CPA3: variants seen among roughly 807,000 people sequenced by gnomAD.
CPA3 encodes mast cell carboxypeptidase A.
Under a neutral mutation model 55.8 loss-of-function variants are expected in CPA3, and 52 were observed. The ratio of observed to expected loss-of-function variants is 0.93; its 90% CI spans 0.75 to 1.17. The LOEUF is 1.17. Among genes scored for constraint, CPA3 ranks in the 50% most tolerant of loss-of-function variants. The pLI is 0.00. For missense variants in CPA3, 547 were observed against 509.1 expected (o/e 1.07, Z -0.72); for synonymous variants, 179 against 171.2 (o/e 1.05, Z -0.36).
intron 9 of CPA3, 94 bp from the exon 10 acceptor site, chr3:148,885,999 A>G (rs1576584100): frequency 2.4e-6 from 2 of 820,882 alleles, no homozygotes; most frequent in East Asian, 2.7e-5. Context: ...AACCTGTAAG[A>G]CTCCATTAAA....
chr3:148,877,730 A>G (rs1322599033), intron 3 of CPA3, among the ~76,000 whole-genome samples: 2 of 152,224 alleles, frequency 1.3e-5, no homozygotes, highest in Admixed American at 6.5e-5. Flanking sequence ...GATTAAATGA[A>G]TTAATAATGT....
chr3:148,891,513 TAC>T (rs778053709), intron 10 of CPA3, among the ~76,000 whole-genome samples: 48 of 120,146 alleles, frequency 4.0e-4, no homozygotes, highest in Admixed American at 5.9e-4. Flanking sequence ...CACACACACA[TAC>T]ACACACACAC....
At chr3:148,869,496 AATTGGTATGTC>A (rs1443562452) in intron 3 of CPA3, among the ~76,000 whole-genome samples, 2 of 152,172 alleles carry the variant, frequency 1.3e-5, no homozygotes, top group African/African-American at 2.4e-5. Context: ...GAAATACAGC[AATTGGTATGTC>A]ATTGGTATGT....
At chr3:148,880,321 T>C (rs1215706851) in intron 6 of CPA3, among the ~76,000 whole-genome samples, 1 of 147,458 alleles carries the variant, frequency 6.8e-6, no homozygotes, top group Non-Finnish European at 1.5e-5. Context: ...GAGTGAAAAA[T>C]AACTCACTTT....
At chr3:148,886,282 C>A in intron 10 of CPA3, 105 bp downstream of exon 10, 1 of 719,100 alleles carries the variant, frequency 1.4e-6, no homozygotes, top group Non-Finnish European at 2.3e-6. Flanking sequence ...TCTGGAATTG[C>A]TAATTTAAAT....
In CPA3 at chr3:148,879,821, T is replaced by C. The variant is rs1714307494; in HGVS notation, c.508T>C (p.Phe170Leu). 6.2e-7 allele frequency: 1 copy of C among 1,612,514 alleles called. No homozygotes were observed. The highest frequency in any genetic ancestry group is 8.5e-7 in the Non-Finnish European group (1 of 1,178,670). The change falls in exon 6 of 11, where the codon TTT becomes CTT. Residue 170 changes from phenylalanine (F) to leucine (L), a missense_variant. Transcript: ENST00000296046. ...AAAGAATGAAAGAAGAAAGGCTATTTTTACGGATTGTGGCATTCACGCACG... is the reference window on the plus strand; with the variant it reads ...AAAGAATGAAAGAAGAAAGGCTATTCTTACGGATTGTGGCATTCACGCACG... ...GEKNERRKAI[F>L]TDCGIHAREW...
At position 148,873,365 on chromosome 3, in the gene CPA3, G is replaced by A. The variant is rs528020259; in HGVS notation, c.269+4326G>A. On this transcript the variant is annotated intron_variant, in intron 3 of 10. Coordinates refer to ENST00000296046, the MANE Select transcript of CPA3 (RefSeq NM_001870.4). Reference sequence around the variant, plus strand: ...AAACATCTTTCCCCAGTGCATGCACGCGCGCACACGCGCACACACACACAC... The same window carrying A: ...AAACATCTTTCCCCAGTGCATGCACACGCGCACACGCGCACACACACACAC... 5.6e-5 allele frequency among the ~76,000 whole-genome samples: 7 copies of A among 125,704 alleles called. No homozygotes were observed. In the East Asian group the frequency reaches 7.7e-4, roughly 14 times the overall value. 82.5% of individuals were successfully genotyped at this position (125,704 alleles called of 152,430 possible).
chr3:148,876,734 A>T lies in CPA3; in HGVS notation c.270-1707A>T, dbSNP rs563353136. On this transcript the variant is annotated intron_variant, in intron 3 of 10. Transcript: ENST00000296046. ...AAAATTTTTGGAAAAAAAGAATAAGATACATTATCCAGTATTAAATTTTAC... is the reference window on the plus strand; with the variant it reads ...AAAATTTTTGGAAAAAAAGAATAAGTTACATTATCCAGTATTAAATTTTAC... Among the ~76,000 whole-genome samples, 78 of 152,332 alleles carry T rather than the reference A, an allele frequency of 5.1e-4. 1 individual carries two copies. Among genetic ancestry groups the T allele is most frequent in the African/African-American group, 1.8e-3 (76 of 41,576 alleles).
chr3:148,887,655 A>G (rs1303584369), intron 10 of CPA3, among the ~76,000 whole-genome samples: 1 of 152,172 alleles, frequency 6.6e-6, no homozygotes, highest in East Asian at 1.9e-4. Flanking sequence ...CTCTTACAGC[A>G]ACTCCCACTA....
intron 3 of CPA3, among the ~76,000 whole-genome samples, chr3:148,873,753 C>G (rs915211711): frequency 6.6e-6 from 1 of 152,118 alleles, no homozygotes; most frequent in African/African-American, 2.4e-5. Flanking sequence ...ACAGTTGTGT[C>G]CATTTTGGAA....
chr3:148,880,505 T>C (rs1228983121), intron 6 of CPA3, among the ~76,000 whole-genome samples: 3 of 152,088 alleles, frequency 2.0e-5, no homozygotes, highest in Non-Finnish European at 2.9e-5. Context: ...CTAATTTTTG[T>C]ATTTTTAGTA....
At chr3:148,884,474 AAAAT>A (rs1714469942) in intron 9 of CPA3, among the ~76,000 whole-genome samples, 1 of 152,226 alleles carries the variant, frequency 6.6e-6, no homozygotes, top group South Asian at 2.1e-4. Flanking sequence ...GCTATAGAAG[AAAAT>A]AAATAAAACA....
rs555925504 is a variant in CPA3 at position 148,886,865 on chromosome 3, C to T, written c.1066+688C>T. Among the ~76,000 whole-genome samples the T allele has an allele frequency of 2.6e-5, 4 of 152,320 alleles. No individual in the cohort carries two copies. The South Asian group carries it at 8.3e-4, about 32-fold the overall frequency. On this transcript the variant is annotated intron_variant, in intron 10 of 10. Coordinates refer to ENST00000296046, the MANE Select transcript of CPA3 (RefSeq NM_001870.4). ...AGATAGAAAATCAGTTTCAGCTCCT[C>T]TGGTCGTGTAAAACAAGTTATCTCT... is the stretch of plus-strand genomic sequence containing the variant.
intron 10 of CPA3, among the ~76,000 whole-genome samples, chr3:148,886,728 G>A (rs1289379044): frequency 2.6e-5 from 4 of 152,110 alleles, no homozygotes; most frequent in Non-Finnish European, 5.9e-5. Flanking sequence ...AGATGGAGTA[G>A]AGTCTACATT....
Position 148,878,427 on chromosome 3 carries a change from C to A in CPA3, c.270-14C>A. The A allele has an allele frequency of 2.0e-6, 3 of 1,519,072 alleles. No homozygotes were observed. Among genetic ancestry groups the A allele is most frequent in the African/African-American group, 1.4e-5 (1 of 73,096 alleles). The allele number at this position is 1,519,072 out of a possible 1,614,324, so 94.1% of individuals were successfully genotyped here. On this transcript the variant is annotated splice_polypyrimidine_tract_variant and intron_variant, in intron 3 of 10. Transcript: ENST00000296046. ...ATGATAAAACATGTATTTTATCATT[C>A]CCCTGTCAAACAGAATCTTGATTCA...
In CPA3 at chr3:148,867,504, C is replaced by T. The variant is rs184944016; in HGVS notation, c.145-1411C>T. 8.5e-5 allele frequency among the ~76,000 whole-genome samples: 13 copies of T among 152,356 alleles called. No homozygotes were observed. The East Asian group carries it at 2.1e-3, about 25-fold the overall frequency. On this transcript the variant is annotated intron_variant, in intron 2 of 10. Coordinates refer to ENST00000296046, the MANE Select transcript of CPA3 (RefSeq NM_001870.4). Reference sequence around the variant, plus strand: ...CCAGCTCTTTGCCTCCTGCTTAATACATGAAAGTTCACTAAGCTCTAAGCT... The same window carrying T: ...CCAGCTCTTTGCCTCCTGCTTAATATATGAAAGTTCACTAAGCTCTAAGCT...
At chr3:148,879,072 G>C (rs150616336) in intron 5 of CPA3, among the ~76,000 whole-genome samples, 58 of 152,284 alleles carry the variant, frequency 3.8e-4, no homozygotes, top group African/African-American at 1.4e-3. Context: ...ACTGATGAAT[G>C]AATGTCATGA....
intron 3 of CPA3, among the ~76,000 whole-genome samples, chr3:148,876,681 C>T (rs1331399742): frequency 6.6e-6 from 1 of 151,864 alleles, no homozygotes; most frequent in East Asian, 1.9e-4. Context: ...CCAGCCAAGA[C>T]ATTTATTTAA....
rs917371840 is a variant in CPA3 at position 148,896,449 on chromosome 3, C to A, written c.1067-71C>A. On this transcript the variant is annotated intron_variant, in intron 10 of 10. Coordinates refer to ENST00000296046, the MANE Select transcript of CPA3 (RefSeq NM_001870.4). ...ACTATTTTTTATTGCTAATTATACA[C>A]CACTGATTTCCACTTTAAAAAAACA... The A allele has an allele frequency of 2.3e-6, 3 of 1,276,918 alleles. No individual in the cohort carries two copies. In the African/African-American group the frequency reaches 4.4e-5, roughly 19 times the overall value. The allele number at this position is 1,276,918 out of a possible 1,614,324, so 79.1% of individuals were successfully genotyped here.
Sources: allele counts gnomAD v4.1 joint callset (sites outside exome capture counted in the v4.1 genomes callset), GRCh38; gene constraint gnomAD v4.1.1; transcripts MANE v1.5; gene names NCBI Gene and HGNC (gene_info 2026-07-23, HGNC 2026-07-21).